The following BRAF variants were observed in gnomAD, a reference collection of about 807,000 sequenced individuals.
BRAF encodes serine/threonine-protein kinase B-raf.
BRAF carries 16 observed loss-of-function variants against 104.6 expected under a neutral mutation model. That is an observed-to-expected ratio of 0.15 (90% CI 0.10 to 0.23). The LOEUF is 0.23. Ranked by LOEUF, BRAF falls within the 10% of genes least tolerant of loss-of-function variation. BRAF has a pLI of 1.00. For missense variants in BRAF, 541 were observed against 937.3 expected, an observed-to-expected ratio of 0.58 and a Z score of 5.52; for synonymous variants, 310 against 341.6, an observed-to-expected ratio of 0.91 and a Z score of 1.02.
At chr7:140,895,789 C>T (rs915294428) in intron 1 of BRAF, among the ~76,000 whole-genome samples, 1 of 152,158 alleles carries the variant, frequency 6.6e-6, no homozygotes, top group Non-Finnish European at 1.5e-5. Context: ...AGCATTCCAT[C>T]GGATGCTATA....
At chr7:140,872,023 C>T (rs1437295912) in intron 1 of BRAF, among the ~76,000 whole-genome samples, 1 of 152,040 alleles carries the variant, frequency 6.6e-6, no homozygotes, top group Non-Finnish European at 1.5e-5. Flanking sequence ...TCGAGACTAG[C>T]CTGACCAACA....
chr7:140,732,842 G>A (rs1259361891), intron 19 of BRAF: 1 of 152,238 alleles, frequency 6.6e-6, no homozygotes, highest in African/African-American at 2.4e-5. Flanking sequence ...AACATTTGGA[G>A]CATTCCACAA....
At chr7:140,905,440 T>G (rs751843939) in intron 1 of BRAF, among the ~76,000 whole-genome samples, 14 of 152,238 alleles carry the variant, frequency 9.2e-5, no homozygotes, top group Admixed American at 2.0e-4. Flanking sequence ...CCTTTGATAT[T>G]AACTGTACCA....
At chr7:140,901,898 G>A (rs1187762153) in intron 1 of BRAF, among the ~76,000 whole-genome samples, 1 of 152,114 alleles carries the variant, frequency 6.6e-6, no homozygotes, top group African/African-American at 2.4e-5. Context: ...TAAGCTCCTT[G>A]AAGACAAACT....
At chr7:140,871,823 C>T (rs1223714977) in intron 1 of BRAF, among the ~76,000 whole-genome samples, 2 of 152,118 alleles carry the variant, frequency 1.3e-5, no homozygotes, top group African/African-American at 4.8e-5. Context: ...CATTCCCAGC[C>T]ACTGCAGCTA....
chr7:140,792,206 TTTC>T (rs1394256475), intron 8 of BRAF, among the ~76,000 whole-genome samples: 8 of 152,196 alleles, frequency 5.3e-5, no homozygotes, highest in Non-Finnish European at 1.2e-4. Flanking sequence ...TTAAATATCA[TTTC>T]TTGTCTGAAA....
At chr7:140,845,739 C>T (rs531816127) in intron 2 of BRAF, among the ~76,000 whole-genome samples, 1 of 152,214 alleles carries the variant, frequency 6.6e-6, no homozygotes, top group East Asian at 1.9e-4. Context: ...AGTGCAGTGG[C>T]ATGATCTCGG....
chr7:140,875,718 T>C (rs979876564), intron 1 of BRAF, among the ~76,000 whole-genome samples: 1 of 151,974 alleles, frequency 6.6e-6, no homozygotes, highest in Non-Finnish European at 1.5e-5. Context: ...ATCCATAAAA[T>C]ATAGGGGAAC....
At chr7:140,809,615 C>G (rs1171466121) in intron 3 of BRAF, among the ~76,000 whole-genome samples, 2 of 152,164 alleles carry the variant, frequency 1.3e-5, no homozygotes, top group Non-Finnish European at 2.9e-5. Context: ...ATACCCCCGG[C>G]AAGAGCAACT....
chr7:140,770,184 G>A (rs375651213), intron 14 of BRAF, among the ~76,000 whole-genome samples: 7 of 151,744 alleles, frequency 4.6e-5, no homozygotes, highest in South Asian at 4.2e-4. Context: ...TATTTTTACC[G>A]ACCAGAAAAT....
chr7:140,753,629 A>G, intron 15 of BRAF: 1 of 398,690 alleles, frequency 2.5e-6, no homozygotes, highest in Non-Finnish European at 4.7e-6. Context: ...TGTTAGGATG[A>G]GGTGAGATGC....
intron 14 of BRAF, among the ~76,000 whole-genome samples, chr7:140,761,011 A>G (rs1798668398): frequency 6.6e-6 from 1 of 152,222 alleles, no homozygotes; most frequent in Non-Finnish European, 1.5e-5. Flanking sequence ...AAGGCAGGCC[A>G]ATGTTCAGAT....
chr7:140,892,255 C>CAA (rs563291402), intron 1 of BRAF, among the ~76,000 whole-genome samples: 10 of 143,972 alleles, frequency 6.9e-5, no homozygotes, highest in Non-Finnish European at 7.6e-5. Flanking sequence ...GAATCTGTGT[C>CAA]AAAAAAAAAA....
intron 1 of BRAF, among the ~76,000 whole-genome samples, chr7:140,906,524 G>A (rs184621013): frequency 1.2e-3 from 184 of 152,298 alleles, no homozygotes; most frequent in Non-Finnish European, 1.8e-3. Flanking sequence ...ACTTTATACA[G>A]TCAACGTTTC....
intron 8 of BRAF, among the ~76,000 whole-genome samples, chr7:140,788,589 TA>T (rs1340715413): frequency 6.6e-6 from 1 of 152,136 alleles, no homozygotes; most frequent in African/African-American, 2.4e-5. Flanking sequence ...AAGGTTTTGT[TA>T]AAATTTGTCC....
intron 3 of BRAF, among the ~76,000 whole-genome samples, chr7:140,810,792 A>ATT (rs1804179352): frequency 6.6e-6 from 1 of 152,178 alleles, no homozygotes; most frequent in Non-Finnish European, 1.5e-5. Flanking sequence ...GAGCAATGAG[A>ATT]TATTTGAGTC....
At position 140,719,736 on chromosome 7, in the gene BRAF, T is replaced by TA; in HGVS notation, c.*6757dup. ...TGAATTGAAAAATAAGCTTTAAAAA[T>TA]AGTTACTCCATTGTAATTTTTGCAA... On this transcript the variant is annotated 3_prime_UTR_variant, in exon 20 of 20. Transcript: ENST00000644969. 1.9e-6 allele frequency: 2 copies of TA among 1,062,380 alleles called. No individual in the cohort carries two copies. Among genetic ancestry groups the TA allele is most frequent in the Non-Finnish European group, 2.3e-6 (2 of 877,542 alleles). The allele number at this position is 1,062,380 out of a possible 1,614,324, so 65.8% of individuals were successfully genotyped here. A position where few individuals can be genotyped will look rare whatever the true frequency, so the allele number is the denominator to read the frequency against.
chr7:140,850,904 C>T (rs1254180250), intron 1 of BRAF, among the ~76,000 whole-genome samples: 1 of 152,206 alleles, frequency 6.6e-6, no homozygotes, highest in East Asian at 1.9e-4. Context: ...TAATTATTTT[C>T]CACTTTATAA....
intron 2 of BRAF, among the ~76,000 whole-genome samples, chr7:140,841,070 C>CA (rs1241091658): frequency 6.6e-6 from 1 of 151,854 alleles, no homozygotes. Flanking sequence ...TTTAAGTGGG[C>CA]AAAGGATTTG....
Sources: allele counts gnomAD v4.1 joint callset (sites outside exome capture counted in the v4.1 genomes callset), GRCh38; gene constraint gnomAD v4.1.1; transcripts MANE v1.5; gene names NCBI Gene and HGNC (gene_info 2026-07-23, HGNC 2026-07-21).